The following TASP1 variants were observed in gnomAD, a reference collection of about 807,000 sequenced individuals.
TASP1 encodes the protein threonine aspartase 1.
Under a neutral mutation model 56.6 loss-of-function variants are expected in TASP1, and 16 were observed. The ratio of observed to expected loss-of-function variants is 0.28; its 90% CI spans 0.19 to 0.43. The LOEUF is 0.43. Ranked by LOEUF, TASP1 falls within the 20% of genes least tolerant of loss-of-function variation. The pLI is 1.00. For synonymous variants in TASP1, 179 were observed against 184.2 expected (o/e 0.97, Z 0.23); for missense variants, 393 against 511.6 (o/e 0.77, Z 2.24).
chr20:13,280,040 G>A, the TASP1 span: 35 of 778,124 alleles, frequency 4.5e-5, no homozygotes, highest in East Asian at 1.9e-4. Flanking sequence ...GCTGTCTTCC[G>A]CAGAAGCCCA....
At chr20:13,399,134 C>G (rs149899351) in intron 13 of TASP1, among the ~76,000 whole-genome samples, 53 of 152,298 alleles carry the variant, frequency 3.5e-4, no homozygotes, top group African/African-American at 1.2e-3. Flanking sequence ...GGACACCACT[C>G]TCACCTGGTT....
the TASP1 span, among the ~76,000 whole-genome samples, chr20:13,223,700 A>C: frequency 6.6e-6 from 1 of 152,210 alleles, no homozygotes. Flanking sequence ...ACAGTGACAG[A>C]CTGAGGGAAT....
At chr20:13,484,132 G>A (rs1198872124) in intron 10 of TASP1, among the ~76,000 whole-genome samples, 1 of 152,140 alleles carries the variant, frequency 6.6e-6, no homozygotes, top group African/African-American at 2.4e-5. Flanking sequence ...AGATAGAAAT[G>A]CAATCATTAA....
At chr20:13,633,536 T>G (rs1428763750) in intron 1 of TASP1, among the ~76,000 whole-genome samples, 1 of 152,178 alleles carries the variant, frequency 6.6e-6, no homozygotes, top group Non-Finnish European at 1.5e-5. Context: ...CTGGGATGCA[T>G]AAGCTACAGG....
At chr20:13,229,535 G>GTT in the TASP1 span, among the ~76,000 whole-genome samples, 1 of 152,170 alleles carries the variant, frequency 6.6e-6, no homozygotes, top group Non-Finnish European at 1.5e-5. Context: ...ATAGTCCACT[G>GTT]TGTAACTCTA....
chr20:13,107,775 C>CT, the TASP1 span, among the ~76,000 whole-genome samples: 466 of 142,012 alleles, frequency 3.3e-3, 4 homozygotes, highest in South Asian at 0.029. Context: ...GGAAAATGAC[C>CT]TTTTTTTTTT....
chr20:13,275,256 G>A, the TASP1 span, among the ~76,000 whole-genome samples: 2 of 151,996 alleles, frequency 1.3e-5, no homozygotes, highest in Non-Finnish European at 2.9e-5. Flanking sequence ...ATATTAACAT[G>A]GCCACAGGCC....
At chr20:13,153,625 G>A in the TASP1 span, among the ~76,000 whole-genome samples, 1 of 152,098 alleles carries the variant, frequency 6.6e-6, no homozygotes, top group African/African-American at 2.4e-5. Flanking sequence ...TGAAGTGTGG[G>A]GGGTGGGGGA....
intron 11 of TASP1, among the ~76,000 whole-genome samples, chr20:13,446,861 T>C (rs1317199978): frequency 6.6e-6 from 1 of 152,152 alleles, no homozygotes; most frequent in Non-Finnish European, 1.5e-5. Context: ...CACACACAAA[T>C]TTAGCTTAGA....
chr20:13,524,505 G>A lies in TASP1; in HGVS notation c.874+3928C>T, dbSNP rs533562198. ...ATTTCTTAATTTTTATTTGTATACC[G>A]GGCACTTACCCTGTACAAGGCTGTT... On this transcript the variant is annotated intron_variant, in intron 10 of 13. Coordinates refer to ENST00000337743, the MANE Select transcript of TASP1 (RefSeq NM_017714.3). Among the ~76,000 whole-genome samples the A allele has an allele frequency of 2.7e-4, 41 of 152,084 alleles. No individual in the cohort carries two copies. In the South Asian group the frequency reaches 5.6e-3, roughly 21 times the overall value.
At chr20:13,446,197 C>T (rs781662270) in intron 11 of TASP1, among the ~76,000 whole-genome samples, 28 of 152,026 alleles carry the variant, frequency 1.8e-4, no homozygotes, top group Non-Finnish European at 3.7e-4. Context: ...AGTAAGAGAA[C>T]AAACAACATA....
chr20:13,638,071 T>C (rs1359007217), intron 1 of TASP1, among the ~76,000 whole-genome samples: 1 of 152,234 alleles, frequency 6.6e-6, no homozygotes, highest in African/African-American at 2.4e-5. Flanking sequence ...TTGGCAGAAC[T>C]ATAGGTGATC....
intron 7 of TASP1, among the ~76,000 whole-genome samples, chr20:13,566,186 T>G (rs1169855573): frequency 6.6e-6 from 1 of 152,120 alleles, no homozygotes; most frequent in Non-Finnish European, 1.5e-5. Context: ...CATGGGGAGT[T>G]ACTGCTTAAT....
the TASP1 span, among the ~76,000 whole-genome samples, chr20:13,120,517 T>TCTTAA: frequency 5.9e-5 from 9 of 152,212 alleles, no homozygotes; most frequent in Non-Finnish European, 2.9e-5. Context: ...AACATCTGGC[T>TCTTAA]CTTAACTCTC....
Position 13,390,164 on chromosome 20 carries a change from A to G in TASP1, c.*196T>C, listed in dbSNP as rs2041219249. The G allele has an allele frequency of 1.4e-5, 8 of 553,496 alleles. No individual in the cohort carries two copies. Among genetic ancestry groups the G allele is most frequent in the Non-Finnish European group, 2.3e-5 (7 of 305,562 alleles). The allele number at this position is 553,496 out of a possible 1,614,324, so 34.3% of individuals were successfully genotyped here. On this transcript the variant is annotated 3_prime_UTR_variant, in exon 14 of 14. Transcript: ENST00000337743. ...TGCGCACATACGCGCACACACTCAC[A>G]CACAGTCCCGCTCACCCACCAAAGG... is the stretch of plus-strand genomic sequence containing the variant.
chr20:13,457,496 A>T (rs1252056390), intron 11 of TASP1, among the ~76,000 whole-genome samples: 3 of 152,182 alleles, frequency 2.0e-5, no homozygotes, highest in Non-Finnish European at 4.4e-5. Flanking sequence ...GTATACTTAA[A>T]GGATTTAAAT....
chr20:13,322,408 A>T, the TASP1 span, among the ~76,000 whole-genome samples: 1 of 151,726 alleles, frequency 6.6e-6, no homozygotes, highest in African/African-American at 2.4e-5. Flanking sequence ...TCTCTCTCCA[A>T]CTCTTCCACC....
chr20:13,595,998 T>C (rs1450832321), intron 4 of TASP1, among the ~76,000 whole-genome samples: 1 of 152,114 alleles, frequency 6.6e-6, no homozygotes, highest in African/African-American at 2.4e-5. Flanking sequence ...TCAGCAAATG[T>C]AAAAGAACAG....
At chr20:13,171,924 T>C in the TASP1 span, among the ~76,000 whole-genome samples, 1 of 151,924 alleles carries the variant, frequency 6.6e-6, no homozygotes, top group Non-Finnish European at 1.5e-5. Context: ...AAAACAAGAA[T>C]AGGCTGATAT....
Sources: gnomAD v4.1 joint callset for allele counts (sites outside exome capture counted in the v4.1 genomes callset) on GRCh38, gnomAD v4.1.1 for gene constraint, MANE v1.5 for transcripts, NCBI Gene and HGNC (gene_info 2026-07-23, HGNC 2026-07-21) for gene names.